Variants in DST observed in about 807,000 individuals in gnomAD.
The protein encoded by DST is dystonin.
Under a neutral mutation model 875.2 loss-of-function variants are expected in DST, and 253 were observed. That is an observed-to-expected ratio of 0.29 (90% confidence interval 0.26 to 0.32). The LOEUF is 0.32. Ranked by LOEUF, DST falls within the 10% of genes least tolerant of loss-of-function variation. DST has a pLI of 1.00. For synonymous variants in DST, 3,124 were observed against 3,197.1 expected (o/e 0.98, Z 0.77); for missense variants, 8,287 against 9,111.6 (o/e 0.91, Z 3.68).
chr6:56,619,574 A>T lies in DST; in HGVS notation c.4929+4956T>A, dbSNP rs1236815487. ...AGCATGTGCCCTTGTGATTCTGTCT[A>T]CTTCTCTTTGTAGTTTCCCTTTTTC... On this transcript the variant is annotated intron_variant, in intron 36 of 103. Coordinates refer to ENST00000680361, the MANE Select transcript of DST (RefSeq NM_001374736.1). 1 of 1,613,814 alleles carries T rather than the reference A, an allele frequency of 6.2e-7. No homozygotes were observed. Among genetic ancestry groups the T allele is most frequent in the Non-Finnish European group, 8.5e-7 (1 of 1,179,988 alleles).
rs374056754 is a variant in DST, at chr6:56,489,607, G to A, written c.20760C>T (p.Phe6920=). The A allele has an allele frequency of 6.2e-7, 1 of 1,606,788 alleles. No homozygotes were observed. The highest frequency in any genetic ancestry group is 1.1e-5 in the South Asian group (1 of 89,190). Residue 6920 remains phenylalanine (F), a splice_region_variant and synonymous_variant, in exon 86 of 104, where the codon TTC becomes TTT. Transcript: ENST00000680361. Reference sequence around the variant, plus strand: ...CCATAAGTTTACTCCAAGCTTCATGGAACTAGAAAGAAATTCACACCTTTG... The same window carrying A: ...CCATAAGTTTACTCCAAGCTTCATGAAACTAGAAAGAAATTCACACCTTTG... ...LDDARKRAKQ[F]HEAWSKLMEW... is the part of the protein sequence containing the mutation.
chr6:56,483,618 C>T (rs1486269011), intron 88 of DST: 3 of 129,528 alleles, frequency 2.3e-5, no homozygotes, highest in South Asian at 5.2e-4. Flanking sequence ...TGGCCACAGA[C>T]TGATCTAAGA....
In DST at chr6:56,812,109, AAAAAGAAAAGAAAAG is replaced by A. The variant is rs745473203; in HGVS notation, c.625+39273_625+39287del. Among the ~76,000 whole-genome samples the A allele has an allele frequency of 4.2e-3, 470 of 111,818 alleles. 4 individuals carry two copies. Among genetic ancestry groups the A allele is most frequent in the African/African-American group, 0.015 (436 of 29,982 alleles). 73.4% of individuals were successfully genotyped at this position (111,818 alleles called of 152,430 possible). On this transcript the variant is annotated intron_variant, in intron 4 of 103. Transcript: ENST00000680361. The stretch of plus-strand genomic sequence containing the variant: ...AGAAAGAGACTCTGACTCAAAAAAA[AAAAAGAAAAGAAAAG>A]AAAAGAAAAGAAAAGAAAAGAAAAG...
intron 50 of DST, among the ~76,000 whole-genome samples, chr6:56,577,326 C>T (rs934761277): frequency 6.6e-6 from 1 of 152,176 alleles, no homozygotes; most frequent in Non-Finnish European, 1.5e-5. Context: ...CAAGTCCTCA[C>T]AGCAATGGTA....
At chr6:56,648,742 T>C (rs2098958430) in intron 12 of DST, 53 bp from the exon 13 acceptor site, 1 of 1,425,096 alleles carries the variant, frequency 7.0e-7, no homozygotes, top group Non-Finnish European at 9.5e-7. Flanking sequence ...ATAACATTCA[T>C]ATCTAAGACA....
chr6:56,594,698 C>T (rs1206904064), intron 47 of DST, among the ~76,000 whole-genome samples: 1 of 151,992 alleles, frequency 6.6e-6, no homozygotes, highest in Non-Finnish European at 1.5e-5. Flanking sequence ...GAACACTGTA[C>T]ATTCAGAGAA....
intron 2 of DST, among the ~76,000 whole-genome samples, chr6:56,909,624 T>G (rs1029311149): frequency 1.2e-4 from 19 of 152,336 alleles, no homozygotes; most frequent in African/African-American, 4.6e-4. Flanking sequence ...TTCTCAAACT[T>G]TATCAAGCAT....
intron 2 of DST, among the ~76,000 whole-genome samples, chr6:56,932,212 T>C (rs748667574): frequency 3.9e-5 from 6 of 152,110 alleles, no homozygotes; most frequent in African/African-American, 9.7e-5. Flanking sequence ...GGAGATCTGA[T>C]GGTTTTATGG....
Position 56,594,182 on chromosome 6 carries a change from C to G in DST, c.12207G>C (p.Glu4069Asp), listed in dbSNP as rs1265949155. The change falls in exon 48 of 104, where the codon GAG (glutamate) becomes GAC (aspartate). Residue 4069 changes from glutamate to aspartate, a missense_variant. Physicochemically the swap from Glu to Asp is conservative, Grantham distance 45. Transcript: ENST00000680361. ...QQYQKVKAQH[E>D]KIISQHQAVI... ...CTGCTTGGTGCTGAGAGATGATCTT[C>G]TCGTGTTGGGCCTATGTGAAAACAA... 1 of 1,525,948 alleles carries G rather than the reference C, an allele frequency of 6.6e-7. No homozygotes were observed. Among genetic ancestry groups the G allele is most frequent in the South Asian group, 1.3e-5 (1 of 75,148 alleles). The allele number at this position is 1,525,948 out of a possible 1,614,324, so 94.5% of individuals were successfully genotyped here.
At chr6:56,616,200 C>T in intron 36 of DST, 4 of 1,614,170 alleles carry the variant, frequency 2.5e-6, no homozygotes, top group Non-Finnish European at 3.4e-6. Flanking sequence ...GTGATGAGGC[C>T]TTCCTGATAC....
chr6:56,622,503 A>G (rs2098699280), intron 36 of DST, among the ~76,000 whole-genome samples: 1 of 136,644 alleles, frequency 7.3e-6, no homozygotes, highest in African/African-American at 2.7e-5. Flanking sequence ...TGAACCCAGG[A>G]GGCAGAGGTT....
chr6:56,619,675 T>A lies in DST; in HGVS notation c.4929+4855A>T, dbSNP rs139011720. 8.7e-6 allele frequency: 14 copies of A among 1,613,814 alleles called. No individual in the cohort carries two copies. The African/African-American group carries it at 1.9e-4, about 22-fold the overall frequency. On this transcript the variant is annotated intron_variant, in intron 36 of 103. Coordinates refer to ENST00000680361, the MANE Select transcript of DST (RefSeq NM_001374736.1). ...GATCACTAGCTTCTTGCATGGCTTC[T>A]TCAGCTTTACCTGTGGTTTGATTCA...
chr6:56,757,415 T>C (rs535173529), intron 4 of DST, among the ~76,000 whole-genome samples: 108 of 152,336 alleles, frequency 7.1e-4, no homozygotes, highest in African/African-American at 2.4e-3. Context: ...ATATACAGTG[T>C]GGCCCAAGTT....
chr6:56,871,277 T>G, intron 3 of DST: 1 of 782,714 alleles, frequency 1.3e-6, no homozygotes, highest in Non-Finnish European at 2.4e-6. Context: ...TTAAGAACAC[T>G]CGTGAAACTG....
At chr6:56,701,165 T>C (rs180678880) in intron 8 of DST, among the ~76,000 whole-genome samples, 179 of 151,620 alleles carry the variant, frequency 1.2e-3, no homozygotes, top group African/African-American at 4.1e-3. Context: ...TTTCAAACTA[T>C]TTAAAAAAAA....
At chr6:56,465,603 G>A (rs1052543947) in intron 99 of DST, among the ~76,000 whole-genome samples, 3 of 152,030 alleles carry the variant, frequency 2.0e-5, no homozygotes, top group Non-Finnish European at 2.9e-5. Context: ...AGTCAAGTTA[G>A]CATTGGATTA....
At chr6:56,566,372 T>C (rs566056737) in intron 55 of DST, among the ~76,000 whole-genome samples, 6 of 152,304 alleles carry the variant, frequency 3.9e-5, no homozygotes, top group South Asian at 4.1e-4. Flanking sequence ...GCGAAGACCA[T>C]AGGAAAAGTG....
intron 50 of DST, among the ~76,000 whole-genome samples, chr6:56,577,659 A>G (rs1279359684): frequency 6.6e-6 from 1 of 152,188 alleles, no homozygotes; most frequent in East Asian, 1.9e-4. Flanking sequence ...TTTGACTCAG[A>G]TTTTAATTCA....
chr6:56,584,988 C>T (rs868709302), intron 49 of DST, among the ~76,000 whole-genome samples: 1,947 of 148,658 alleles, frequency 0.013, 29 homozygotes, highest in Middle Eastern at 0.049. Flanking sequence ...CTGCTGGATT[C>T]GGTTTGCCAG....
Sources: gnomAD v4.1 joint callset for allele counts (sites outside exome capture counted in the v4.1 genomes callset) on GRCh38, gnomAD v4.1.1 for gene constraint, MANE v1.5 for transcripts, NCBI Gene and HGNC (gene_info 2026-07-23, HGNC 2026-07-21) for gene names.